The following HMCN1 variants were observed in gnomAD, a reference collection of about 807,000 sequenced individuals.
HMCN1 encodes hemicentin 1.
A neutral mutation model predicts 625.9 loss-of-function variants in HMCN1; 321 were observed. The ratio of observed to expected loss-of-function variants is 0.51; its 90% confidence interval spans 0.47 to 0.56. The LOEUF (loss-of-function observed/expected upper bound fraction) is 0.56, where lower values mean the gene tolerates loss of function less well. HMCN1 is among the 20% of genes least tolerant of loss of function. The pLI is 0.00. For synonymous variants in HMCN1, 2,425 were observed against 2,417.6 expected, an observed-to-expected ratio of 1.00 and a Z score of -0.09; for missense variants, 6,588 against 6,887.3, an observed-to-expected ratio of 0.96 and a Z score of 1.54.
At chr1:185,920,813 T>C (rs2102472312) in intron 6 of HMCN1, among the ~76,000 whole-genome samples, 1 of 152,312 alleles carries the variant, frequency 6.6e-6, no homozygotes, top group African/African-American at 2.4e-5. Context: ...TTGCCCTTAG[T>C]AACCTCAACA....
chr1:186,048,688 A>C, intron 41 of HMCN1, 55 bp from the exon 42 acceptor site: 1 of 1,058,842 alleles, frequency 9.4e-7, no homozygotes. Context: ...AGTATTAATT[A>C]AAAAACCCCA....
intron 70 of HMCN1, among the ~76,000 whole-genome samples, chr1:186,107,242 C>A (rs944425626): frequency 2.0e-5 from 3 of 152,114 alleles, no homozygotes; most frequent in African/African-American, 7.2e-5. Context: ...CCTGCCACCA[C>A]GCCCGGCTAA....
chr1:186,069,554 A>T (rs1299098756), intron 50 of HMCN1, 109 bp from the exon 51 acceptor site: 6 of 734,590 alleles, frequency 8.2e-6, no homozygotes, highest in Non-Finnish European at 1.5e-5. Context: ...CAGAATTGTC[A>T]TATGTAAAAA....
rs184757939 is a variant in HMCN1 at position 185,928,520 on chromosome 1, A to G, written c.1431-26A>G. On this transcript the variant is annotated intron_variant, in intron 9 of 106. Coordinates refer to ENST00000271588, the MANE Select transcript of HMCN1 (RefSeq NM_031935.3). ...ACTTGGTCTTATTTTATAGTAACTAAAAGTTTTCCATTTTCTTACCTCCAG... is the reference window on the plus strand; with the variant it reads ...ACTTGGTCTTATTTTATAGTAACTAGAAGTTTTCCATTTTCTTACCTCCAG... 1.3e-3 allele frequency: 2,015 copies of G among 1,604,742 alleles called. 7 individuals are homozygous for G. Among genetic ancestry groups the G allele is most frequent in the Admixed American group, 2.3e-3 (137 of 59,968 alleles).
intron 36 of HMCN1, among the ~76,000 whole-genome samples, chr1:186,033,298 A>T (rs554204829): frequency 6.6e-6 from 1 of 152,146 alleles, no homozygotes; most frequent in East Asian, 1.9e-4. Flanking sequence ...TTCAGGGGGA[A>T]GTGTGATGAG....
intron 4 of HMCN1, among the ~76,000 whole-genome samples, chr1:185,896,982 G>A (rs1350168328): frequency 6.6e-6 from 1 of 152,076 alleles, no homozygotes; most frequent in Non-Finnish European, 1.5e-5. Context: ...GATTTTTTAA[G>A]GTGATGCCTC....
At position 186,115,265 on chromosome 1, in the gene HMCN1, A is replaced by G. The variant is rs776913329; in HGVS notation, c.11412A>G (p.Pro3804=). ...TTGGTGACATTGTCTTAGTTCCTCC[A>G]TCTATTGCTCCGGGTCCTACCAACA... ...RRIDLQVHVP[P]SIAPGPTNMT... is the part of the protein sequence containing the mutation. Residue 3804 remains proline (P), a synonymous_variant, in exon 75 of 107, where the codon CCA becomes CCG. Coordinates refer to ENST00000271588, the MANE Select transcript of HMCN1 (RefSeq NM_031935.3). 4 of 1,614,006 alleles carry G rather than the reference A, an allele frequency of 2.5e-6. No homozygotes were observed. The East Asian group carries it at 6.7e-5, about 27-fold the overall frequency.
chr1:186,000,336 G>C, intron 26 of HMCN1, 97 bp downstream of exon 26: 1 of 843,392 alleles, frequency 1.2e-6, no homozygotes, highest in Non-Finnish European at 2.0e-6. Flanking sequence ...TAATATTAAT[G>C]TGAATAGCAG....
intron 1 of HMCN1, among the ~76,000 whole-genome samples, chr1:185,770,794 C>CTG (rs1426213337): frequency 2.0e-5 from 3 of 152,188 alleles, no homozygotes; most frequent in African/African-American, 7.2e-5. Context: ...TTGATTCCAA[C>CTG]TGACTGGGCA....
chr1:186,147,892 G>A (rs1650422104), intron 93 of HMCN1, among the ~76,000 whole-genome samples: 1 of 152,218 alleles, frequency 6.6e-6, no homozygotes, highest in Non-Finnish European at 1.5e-5. Context: ...GATGGTGGAT[G>A]CGGAAGGTTA....
intron 1 of HMCN1, among the ~76,000 whole-genome samples, chr1:185,837,670 AT>A (rs1274227543): frequency 1.3e-5 from 2 of 151,972 alleles, no homozygotes; most frequent in Non-Finnish European, 2.9e-5. Flanking sequence ...TTCTCTCTTC[AT>A]TAAGAAAAAA....
At chr1:185,969,179 T>C (rs1408969287) in intron 14 of HMCN1, among the ~76,000 whole-genome samples, 1 of 152,232 alleles carries the variant, frequency 6.6e-6, no homozygotes, top group Non-Finnish European at 1.5e-5. Flanking sequence ...GGAAAGTTTA[T>C]GTCAACATCA....
intron 15 of HMCN1, 68 bp downstream of exon 15, chr1:185,970,561 C>A: frequency 7.5e-7 from 1 of 1,332,878 alleles, no homozygotes; most frequent in Non-Finnish European, 1.1e-6. Context: ...GTTTAATAAC[C>A]TTGAAATGGT....
At chr1:185,988,730 C>T (rs1571671127) in intron 20 of HMCN1, among the ~76,000 whole-genome samples, 1 of 152,300 alleles carries the variant, frequency 6.6e-6, no homozygotes. Context: ...AACCCCAGCT[C>T]TACCACTGAT....
intron 13 of HMCN1, among the ~76,000 whole-genome samples, chr1:185,965,276 G>T (rs1208776557): frequency 6.6e-6 from 1 of 152,020 alleles, no homozygotes; most frequent in Non-Finnish European, 1.5e-5. Flanking sequence ...CAAATTTTAG[G>T]CTTGGACTGC....
chr1:185,927,636 A>G (rs1161720568), intron 9 of HMCN1, among the ~76,000 whole-genome samples: 1 of 152,178 alleles, frequency 6.6e-6, no homozygotes, highest in African/African-American at 2.4e-5. Context: ...AGCGATCTAG[A>G]GATATCACCA....
chr1:186,084,313 C>T (rs1349264975), intron 57 of HMCN1, among the ~76,000 whole-genome samples: 1 of 152,034 alleles, frequency 6.6e-6, no homozygotes, highest in Non-Finnish European at 1.5e-5. Flanking sequence ...TAATCATTGC[C>T]TCTTTGCAAT....
At chr1:185,900,800 C>T (rs1665763423) in intron 4 of HMCN1, among the ~76,000 whole-genome samples, 1 of 151,840 alleles carries the variant, frequency 6.6e-6, no homozygotes, top group Admixed American at 6.6e-5. Flanking sequence ...AGGATCAAGA[C>T]ATAATCAGAG....
intron 36 of HMCN1, among the ~76,000 whole-genome samples, chr1:186,025,391 T>C (rs1050369759): frequency 3.3e-5 from 5 of 152,302 alleles, no homozygotes; most frequent in African/African-American, 1.2e-4. Context: ...AATTTCAGTA[T>C]TCTTAAAAGA....
Sources: allele counts gnomAD v4.1 joint callset (sites outside exome capture counted in the v4.1 genomes callset), GRCh38; gene constraint gnomAD v4.1.1; transcripts MANE v1.5; gene names NCBI Gene and HGNC (gene_info 2026-07-23, HGNC 2026-07-21).